Variants in GMDS observed in about 807,000 individuals in gnomAD.
GMDS encodes GDP-mannose 4,6 dehydratase.
Under a neutral mutation model 49.9 loss-of-function variants are expected in GMDS, and 20 were observed. The ratio of observed to expected loss-of-function variants is 0.40; its 90% CI spans 0.28 to 0.58. The LOEUF (loss-of-function observed/expected upper bound fraction) is 0.58. GMDS is among the 20% of genes least tolerant of loss of function. The pLI is 0.42. For missense variants in GMDS, 362 were observed against 481.4 expected, an observed-to-expected ratio of 0.75 and a Z score of 2.32; for synonymous variants, 177 against 178.6, an observed-to-expected ratio of 0.99 and a Z score of 0.07.
At chr6:1,717,657 A>G (rs1766221757) in intron 9 of GMDS, 1 of 152,226 alleles carries the variant, frequency 6.6e-6, no homozygotes, top group African/African-American at 2.4e-5. Flanking sequence ...TAGGTATAAA[A>G]CAAAATAAAT....
At chr6:1,873,917 G>A (rs1455905435) in intron 7 of GMDS, among the ~76,000 whole-genome samples, 8 of 152,142 alleles carry the variant, frequency 5.3e-5, no homozygotes, top group Admixed American at 1.3e-4. Flanking sequence ...CCACACACTC[G>A]CTTTATTCAC....
At chr6:1,804,057 C>T (rs906686933) in intron 7 of GMDS, among the ~76,000 whole-genome samples, 1 of 152,158 alleles carries the variant, frequency 6.6e-6, no homozygotes, top group Non-Finnish European at 1.5e-5. Context: ...CTGTTCACCA[C>T]AAGAAAACAG....
intron 7 of GMDS, among the ~76,000 whole-genome samples, chr6:1,748,728 A>G (rs556345939): frequency 6.6e-6 from 1 of 152,370 alleles, no homozygotes; most frequent in South Asian, 2.1e-4. Flanking sequence ...GTGTTCCAAT[A>G]AAACAGTTAC....
At chr6:2,142,373 A>T (rs757405216) in intron 1 of GMDS, among the ~76,000 whole-genome samples, 8 of 152,170 alleles carry the variant, frequency 5.3e-5, no homozygotes, top group Non-Finnish European at 1.0e-4. Context: ...ATTAGGTCAT[A>T]CTAAAGTAGG....
Position 2,080,328 on chromosome 6 carries a change from C to T in GMDS, c.345+35443G>A, listed in dbSNP as rs192518506. On this transcript the variant is annotated intron_variant, in intron 4 of 10. Transcript: ENST00000380815. The stretch of plus-strand genomic sequence containing the variant: ...AGGATTTCGTGAATTTCTTTTTGAT[C>T]GGAATCATTGCTGAAGAATTATTGT... Among the ~76,000 whole-genome samples, 420 of 152,190 alleles carry T rather than the reference C, an allele frequency of 2.8e-3. 5 individuals are homozygous for T. The Middle Eastern group carries it at 0.037, about 14-fold the overall frequency.
chr6:2,138,904 C>T (rs1776143094), intron 1 of GMDS, among the ~76,000 whole-genome samples: 1 of 152,114 alleles, frequency 6.6e-6, no homozygotes, highest in African/African-American at 2.4e-5. Context: ...AGTCCCTAGT[C>T]TCTTTGTGTT....
In GMDS at chr6:1,954,308, G is replaced by A. The variant is rs906097494; in HGVS notation, c.643+5559C>T. Among the ~76,000 whole-genome samples, 4 of 152,252 alleles carry A rather than the reference G, an allele frequency of 2.6e-5. 1 individual carries two copies. The highest frequency in any genetic ancestry group is 6.3e-3 in the Middle Eastern group (2 of 316). On this transcript the variant is annotated intron_variant, in intron 6 of 10. Coordinates refer to ENST00000380815, the MANE Select transcript of GMDS (RefSeq NM_001500.4). ...CATCTGTGCCTTTTGCTGGTAGAGG[G>A]CTTGCCTCAGTGTCGATGGCTGCTA...
chr6:1,790,070 T>A (rs1210566343), intron 7 of GMDS, among the ~76,000 whole-genome samples: 1 of 152,208 alleles, frequency 6.6e-6, no homozygotes, highest in East Asian at 1.9e-4. Context: ...AAAGTTCTTA[T>A]TATTTTTGAT....
intron 9 of GMDS, among the ~76,000 whole-genome samples, chr6:1,724,869 C>T (rs968775760): frequency 2.0e-5 from 3 of 152,198 alleles, no homozygotes; most frequent in Non-Finnish European, 2.9e-5. Flanking sequence ...GTCAGAGCCC[C>T]GGCCACGCCC....
At chr6:1,815,441 C>G (rs763807058) in intron 7 of GMDS, among the ~76,000 whole-genome samples, 1 of 152,180 alleles carries the variant, frequency 6.6e-6, no homozygotes, top group Non-Finnish European at 1.5e-5. Flanking sequence ...TACATGTGGT[C>G]TCAACCTTAT....
intron 4 of GMDS, among the ~76,000 whole-genome samples, chr6:2,037,597 G>A (rs1407158418): frequency 1.3e-5 from 2 of 152,274 alleles, no homozygotes; most frequent in Admixed American, 1.3e-4. Flanking sequence ...CATCGGTGAT[G>A]GCATCAATGT....
intron 9 of GMDS, among the ~76,000 whole-genome samples, chr6:1,675,678 C>A (rs1764595631): frequency 6.6e-6 from 1 of 152,002 alleles, no homozygotes; most frequent in Non-Finnish European, 1.5e-5. Flanking sequence ...CAGTGAAACC[C>A]CATCTCTACT....
chr6:1,781,956 C>T (rs1412361128), intron 7 of GMDS, among the ~76,000 whole-genome samples: 3 of 151,998 alleles, frequency 2.0e-5, no homozygotes, highest in African/African-American at 4.8e-5. Flanking sequence ...ACACAAATCC[C>T]GGTCCCTACA....
chr6:1,740,831 T>G (rs1767241085), intron 8 of GMDS, among the ~76,000 whole-genome samples: 1 of 152,188 alleles, frequency 6.6e-6, no homozygotes, highest in African/African-American at 2.4e-5. Context: ...CCCCATATTA[T>G]ACGTAAAATT....
intron 7 of GMDS, among the ~76,000 whole-genome samples, chr6:1,764,815 G>C (rs147258713): frequency 1.2e-4 from 18 of 152,122 alleles, no homozygotes; most frequent in Non-Finnish European, 2.5e-4. Context: ...GCCCAAAATC[G>C]TTTGGTTATA....
At chr6:2,004,378 A>G (rs1030381297) in intron 4 of GMDS, among the ~76,000 whole-genome samples, 6 of 152,198 alleles carry the variant, frequency 3.9e-5, no homozygotes, top group African/African-American at 1.4e-4. Context: ...ATAGCTACCT[A>G]TTACTATTAA....
At chr6:2,054,272 A>G (rs190396820) in intron 4 of GMDS, among the ~76,000 whole-genome samples, 4 of 152,252 alleles carry the variant, frequency 2.6e-5, no homozygotes, top group Admixed American at 2.6e-4. Flanking sequence ...CCTATTTTTA[A>G]ATTGCCCACA....
At chr6:1,987,249 T>C (rs79215557) in intron 4 of GMDS, among the ~76,000 whole-genome samples, 1,652 of 152,336 alleles carry the variant, frequency 0.011, 77 homozygotes, top group Admixed American at 0.08. Context: ...TGAGTCTAAA[T>C]GTGGGAAAGG....
chr6:1,824,819 T>C (rs1771041246), intron 7 of GMDS, among the ~76,000 whole-genome samples: 1 of 152,230 alleles, frequency 6.6e-6, no homozygotes, highest in Non-Finnish European at 1.5e-5. Context: ...TATTTTAATA[T>C]CCTCACTCCC....
Sources: gnomAD v4.1 joint callset for allele counts (sites outside exome capture counted in the v4.1 genomes callset) on GRCh38, gnomAD v4.1.1 for gene constraint, MANE v1.5 for transcripts, NCBI Gene and HGNC (gene_info 2026-07-23, HGNC 2026-07-21) for gene names.